GRIK4: variants seen among roughly 807,000 people sequenced by gnomAD.
GRIK4 encodes the protein glutamate receptor ionotropic, kainate 4.
In GRIK4, 40 loss-of-function variants were observed where a neutral mutation model predicts 104.9. The observed-to-expected ratio is 0.38, with a 90% CI of 0.30 to 0.50. The LOEUF is 0.50. Among genes scored for constraint, GRIK4 ranks in the 20% least tolerant of loss-of-function variants. GRIK4 has a pLI of 0.93. For synonymous variants in GRIK4, 485 were observed against 524.9 expected, an observed-to-expected ratio of 0.92 and a Z score of 1.04; for missense variants, 1,047 against 1,308.1, an observed-to-expected ratio of 0.80 and a Z score of 3.08.
chr11:120,550,244 G>GC (rs907784150), intron 1 of GRIK4, among the ~76,000 whole-genome samples: 14 of 151,358 alleles, frequency 9.2e-5, no homozygotes, highest in Non-Finnish European at 1.8e-4. Flanking sequence ...CCAGGTTGCT[G>GC]CTGCCGCAGG....
chr11:120,976,529 T>A (rs1944563658), intron 19 of GRIK4, among the ~76,000 whole-genome samples: 1 of 152,212 alleles, frequency 6.6e-6, no homozygotes, highest in African/African-American at 2.4e-5. Context: ...TACACTTGCA[T>A]GGCTATAGGT....
At chr11:120,750,445 C>T (rs1353406603) in intron 3 of GRIK4, among the ~76,000 whole-genome samples, 1 of 146,640 alleles carries the variant, frequency 6.8e-6, no homozygotes, top group Non-Finnish European at 1.5e-5. Flanking sequence ...GAGGTCACTG[C>T]AGCCTCCGCC....
intron 1 of GRIK4, among the ~76,000 whole-genome samples, chr11:120,612,532 AG>A (rs1949050746): frequency 6.6e-6 from 1 of 151,920 alleles, no homozygotes; most frequent in African/African-American, 2.4e-5. Flanking sequence ...AGCCTTGTTA[AG>A]GGGTGCCAAC....
intron 3 of GRIK4, among the ~76,000 whole-genome samples, chr11:120,698,520 G>A (rs1950493908): frequency 6.6e-6 from 1 of 152,216 alleles, no homozygotes; most frequent in Non-Finnish European, 1.5e-5. Context: ...GTATCTTTAA[G>A]TTCTTTACAC....
chr11:120,885,909 C>T (rs1296616658), intron 11 of GRIK4, among the ~76,000 whole-genome samples: 1 of 152,180 alleles, frequency 6.6e-6, no homozygotes, highest in African/African-American at 2.4e-5. Flanking sequence ...TCACTGGAAT[C>T]TCTGAGAACA....
intron 4 of GRIK4, among the ~76,000 whole-genome samples, chr11:120,812,266 T>TA (rs1276939272): frequency 6.6e-6 from 1 of 152,068 alleles, no homozygotes; most frequent in Non-Finnish European, 1.5e-5. Context: ...CTTGAGGAGA[T>TA]AAGAGGAGTA....
At chr11:120,707,587 GA>G (rs1950652140) in intron 3 of GRIK4, among the ~76,000 whole-genome samples, 1 of 152,198 alleles carries the variant, frequency 6.6e-6, no homozygotes, top group Non-Finnish European at 1.5e-5. Flanking sequence ...CAAATCATCT[GA>G]AAATATAATT....
intron 8 of GRIK4, among the ~76,000 whole-genome samples, chr11:120,858,727 A>T (rs1187602672): frequency 6.6e-6 from 1 of 152,218 alleles, no homozygotes; most frequent in African/African-American, 2.4e-5. Flanking sequence ...ATACTGGCAC[A>T]TAAGATGTTC....
intron 1 of GRIK4, among the ~76,000 whole-genome samples, chr11:120,637,357 T>G (rs915932561): frequency 2.0e-5 from 3 of 152,164 alleles, no homozygotes; most frequent in African/African-American, 7.2e-5. Context: ...GCTTGTTTTT[T>G]TTCCCCCCTG....
At chr11:120,702,622 A>G (rs962388823) in intron 3 of GRIK4, among the ~76,000 whole-genome samples, 1 of 152,180 alleles carries the variant, frequency 6.6e-6, no homozygotes, top group Non-Finnish European at 1.5e-5. Context: ...AGCAGCAACC[A>G]AGGGGCAGGA....
chr11:120,746,539 AGAGCCCAGGGTCAAC>A (rs1951441501), intron 3 of GRIK4, among the ~76,000 whole-genome samples: 1 of 152,234 alleles, frequency 6.6e-6, no homozygotes, highest in Non-Finnish European at 1.5e-5. Context: ...CTGTGCCCTC[AGAGCCCAGGGTCAAC>A]GAATGTGGAG....
At chr11:120,531,838 G>A (rs1472851489) in intron 1 of GRIK4, among the ~76,000 whole-genome samples, 1 of 152,072 alleles carries the variant, frequency 6.6e-6, no homozygotes, top group Non-Finnish European at 1.5e-5. Flanking sequence ...GGTCTCCTAA[G>A]GTGCTGGGAT....
intron 3 of GRIK4, among the ~76,000 whole-genome samples, chr11:120,787,145 C>G (rs1464237323): frequency 1.2e-5 from 1 of 85,734 alleles, no homozygotes; most frequent in African/African-American, 6.2e-5. Context: ...TAGTAGGACT[C>G]TTTTTTTTTT....
rs1944305349 is a variant in GRIK4, at chr11:120,962,473, C to T, written c.2058C>T (p.Thr686=). ...TTTCCCAGAATTCCCGCTACCAGAC[C>T]TACCAACGCATGTGGAATTACATGT... ...MTFFQNSRYQ[T]YQRMWNYMYS... Residue 686 remains threonine (T), a synonymous_variant, in exon 18 of 21, where the codon ACC becomes ACT. Coordinates refer to ENST00000527524, the MANE Select transcript of GRIK4 (RefSeq NM_014619.5). The T allele has an allele frequency of 6.2e-7, 1 of 1,612,716 alleles. No homozygotes were observed. Among genetic ancestry groups the T allele is most frequent in the Non-Finnish European group, 8.5e-7 (1 of 1,178,972 alleles).
At chr11:120,640,970 C>T (rs933619342) in intron 1 of GRIK4, among the ~76,000 whole-genome samples, 2 of 152,214 alleles carry the variant, frequency 1.3e-5, no homozygotes, top group Non-Finnish European at 2.9e-5. Flanking sequence ...CCTTGGCCTC[C>T]CAAAGTGCTG....
At chr11:120,801,473 C>T (rs184323451) in intron 3 of GRIK4, among the ~76,000 whole-genome samples, 142 of 152,254 alleles carry the variant, frequency 9.3e-4, no homozygotes, top group Non-Finnish European at 2.8e-4. Context: ...GTGATCTGCC[C>T]GCCTCAGCCT....
At chr11:120,954,782 TACACACAC>T (rs768646075) in intron 15 of GRIK4, among the ~76,000 whole-genome samples, 47 of 107,990 alleles carry the variant, frequency 4.4e-4, no homozygotes, top group African/African-American at 1.2e-3. Context: ...TCTCTCTCAC[TACACACAC>T]ACACACACAC....
At chr11:120,518,367 C>G (rs914960051) in intron 1 of GRIK4, among the ~76,000 whole-genome samples, 1 of 152,112 alleles carries the variant, frequency 6.6e-6, no homozygotes, top group East Asian at 1.9e-4. Context: ...CTCTCCTAGC[C>G]CAGTCCGGTT....
chr11:120,850,537 TG>T (rs1415559330), intron 8 of GRIK4, among the ~76,000 whole-genome samples: 1 of 152,188 alleles, frequency 6.6e-6, no homozygotes, highest in East Asian at 1.9e-4. Context: ...AACTCTGTGT[TG>T]TCTCTGCTGA....
Sources: gnomAD v4.1 joint callset for allele counts (sites outside exome capture counted in the v4.1 genomes callset) on GRCh38, gnomAD v4.1.1 for gene constraint, MANE v1.5 for transcripts, NCBI Gene and HGNC (gene_info 2026-07-23, HGNC 2026-07-21) for gene names.